MUC12: variants seen among roughly 807,000 people sequenced by gnomAD.
MUC12 encodes mucin-12.
In MUC12, 172 loss-of-function variants were observed where a neutral mutation model predicts 230.8. That is an observed-to-expected ratio of 0.75 (90% CI 0.66 to 0.85). The LOEUF (loss-of-function observed/expected upper bound fraction) is 0.85, where lower values mean the gene tolerates loss of function less well. MUC12 is among the 40% of genes least tolerant of loss of function. The pLI is 0.00. For missense variants in MUC12, 3,506 were observed against 5,920.6 expected, an observed-to-expected ratio of 0.59 and a Z score of 13.38; for synonymous variants, 1,259 against 2,401.9, an observed-to-expected ratio of 0.52 and a Z score of 13.91.
chr7:101,008,547 A>G, intron 3 of MUC12, 87 bp from the exon 4 acceptor site: 5 of 1,446,776 alleles, frequency 3.5e-6, no homozygotes, highest in Non-Finnish European at 3.6e-6. Flanking sequence ...TTCACCTTCA[A>G]GACACCCACA....
intron 11 of MUC12, 61 bp from the exon 12 acceptor site, chr7:101,018,534 C>T: frequency 6.6e-7 from 1 of 1,516,478 alleles, no homozygotes; most frequent in Non-Finnish European, 8.9e-7. Flanking sequence ...CCTCTTCCTC[C>T]TGGGGCTCCC....
Position 100,992,597 on chromosome 7 carries a change from A to G in MUC12, c.2034A>G (p.Thr678=). The change falls in exon 2 of 12, where the codon ACA becomes ACG. Residue 678 remains threonine (T), a synonymous_variant. Coordinates refer to ENST00000536621, the MANE Select transcript of MUC12 (RefSeq NM_001164462.2). The part of the protein sequence containing the change: ...IPTTHISARS[T]TSGLVEESTT... ...CAACCCACATTTCTGCCCGCTCCAC[A>G]ACCTCAGGCCTCGTTGAAGAATCTA... is the stretch of plus-strand genomic sequence containing the variant. The G allele has an allele frequency of 6.5e-7, 1 of 1,537,796 alleles. No individual in the cohort carries two copies. Among genetic ancestry groups the G allele is most frequent in the South Asian group, 1.2e-5 (1 of 84,056 alleles).
chr7:100,979,608 C>T (rs1170003254), intron 1 of MUC12, among the ~76,000 whole-genome samples: 1 of 151,894 alleles, frequency 6.6e-6, no homozygotes, highest in African/African-American at 2.4e-5. Flanking sequence ...GGTGAAACCC[C>T]ATCTCTACTA....
At chr7:101,006,406 T>A in intron 2 of MUC12, 65 bp from the exon 3 acceptor site, 2 of 1,048,384 alleles carry the variant, frequency 1.9e-6, no homozygotes, top group Admixed American at 4.0e-5. Context: ...GGACCTGGAA[T>A]GGGAGTGCGT....
In MUC12 at chr7:100,992,904, G is replaced by A. The variant is rs775213839; in HGVS notation, c.2341G>A (p.Val781Ile). Residue 781 changes from valine to isoleucine, a missense_variant, in exon 2 of 12, where the codon GTC (valine) becomes ATC (isoleucine). By Grantham distance (29) the Val-to-Ile change is conservative. Coordinates refer to ENST00000536621, the MANE Select transcript of MUC12 (RefSeq NM_001164462.2). ...CAGCCAAGACGCAACGGGAACAATA[G>A]TCCTACCTGCCCGCTCCACAACCTC... is the stretch of plus-strand genomic sequence containing the variant. Reference protein sequence around the residue: ...HSSQDATGTIVLPARSTTSVL... With the variant: ...HSSQDATGTIILPARSTTSVL... The A allele has an allele frequency of 2.0e-6, 3 of 1,535,932 alleles. No individual in the cohort carries two copies. Among genetic ancestry groups the A allele is most frequent in the Non-Finnish European group, 2.6e-6 (3 of 1,146,740 alleles).
At chr7:101,014,773 C>T (rs973142297) in intron 9 of MUC12, among the ~76,000 whole-genome samples, 23 of 143,294 alleles carry the variant, frequency 1.6e-4, no homozygotes, top group South Asian at 2.3e-4. Context: ...CCACCGTGCC[C>T]GGCCTTAAAT....
At chr7:100,984,830 T>C (rs926974198) in intron 1 of MUC12, among the ~76,000 whole-genome samples, 2 of 152,160 alleles carry the variant, frequency 1.3e-5, no homozygotes, top group African/African-American at 2.4e-5. Flanking sequence ...GAGCTACCCC[T>C]TACTGGTTTG....
chr7:100,993,030 T>A lies in MUC12; in HGVS notation c.2467T>A (p.Ser823Thr). 6.5e-7 allele frequency: 1 copy of A among 1,536,744 alleles called. No homozygotes were observed. The highest frequency in any genetic ancestry group is 8.7e-7 in the Non-Finnish European group (1 of 1,147,030). The change falls in exon 2 of 12, where the codon TCT becomes ACT. Residue 823 changes from serine (S) to threonine (T), a missense_variant. Coordinates refer to ENST00000536621, the MANE Select transcript of MUC12 (RefSeq NM_001164462.2). ...CACAACGCCAGGCCTCAGTGAGAGA[T>A]CTACCACTTTCCATAGTAGCCCCAG... ...STTTPGLSER[S>T]TTFHSSPRSP...
At chr7:101,012,202 C>G in intron 5 of MUC12, 94 bp from the exon 6 acceptor site, 1 of 1,337,680 alleles carries the variant, frequency 7.5e-7, no homozygotes, top group Non-Finnish European at 1.0e-6. Context: ...GGTCACATGG[C>G]AGCTTCATCT....
chr7:101,015,282 A>G (rs756081848), intron 9 of MUC12: 13 of 296,258 alleles, frequency 4.4e-5, no homozygotes, highest in Admixed American at 1.4e-4. Flanking sequence ...AAAATGGGAT[A>G]AGATGCACCT....
rs770765688 is a variant in MUC12 at position 101,004,597 on chromosome 7, C to A, written c.14034C>A (p.Gly4678=). The A allele has an allele frequency of 8.5e-6, 13 of 1,536,786 alleles. No individual in the cohort carries two copies. Among genetic ancestry groups the A allele is most frequent in the African/African-American group, 2.7e-5 (2 of 72,964 alleles). ...THFPESSTTS[G]RSEESTASHS... ...TTCCTGAGAGCTCCACAACCTCCGG[C>A]CGTAGTGAGGAATCAACAGCATCCC... is the stretch of plus-strand genomic sequence containing the variant. Residue 4678 remains glycine, a synonymous_variant, in exon 2 of 12, where the codon GGC becomes GGA. Coordinates refer to ENST00000536621, the MANE Select transcript of MUC12 (RefSeq NM_001164462.2).
intron 5 of MUC12, among the ~76,000 whole-genome samples, chr7:101,011,688 C>T (rs930994295): frequency 6.6e-6 from 1 of 152,196 alleles, no homozygotes; most frequent in Non-Finnish European, 1.5e-5. Context: ...TCCCAAATTG[C>T]TGGGATGACA....
chr7:100,971,183 A>AAAT (rs1554464560), intron 1 of MUC12, among the ~76,000 whole-genome samples: 4 of 23,350 alleles, frequency 1.7e-4, no homozygotes, highest in Non-Finnish European at 4.3e-4. Flanking sequence ...GAAACAAACA[A>AAAT]AAAAAAAACA....
chr7:101,006,511 C>T lies in MUC12; in HGVS notation c.14997C>T (p.Cys4999=), dbSNP rs1426479786. ...GACAAATTTGGAATGGAAAACAATGCGTCTGTCCCCAAGGCTACGTTGGTT... is the reference window on the plus strand; with the variant it reads ...GACAAATTTGGAATGGAAAACAATGTGTCTGTCCCCAAGGCTACGTTGGTT... ...QEGQIWNGKQ[C]VCPQGYVGYQ... The change falls in exon 3 of 12, where the codon TGC becomes TGT. Residue 4999 remains cysteine (C), a synonymous_variant. Coordinates refer to ENST00000536621, the MANE Select transcript of MUC12 (RefSeq NM_001164462.2). 28 of 1,537,032 alleles carry T rather than the reference C, an allele frequency of 1.8e-5. No homozygotes were observed. The highest frequency in any genetic ancestry group is 7.1e-5 in the South Asian group (6 of 84,048).
rs372936684 is a variant in MUC12, at chr7:101,009,057, C to G, written c.15187-38C>G. The G allele has an allele frequency of 1.1e-3, 1,658 of 1,534,012 alleles. 3 individuals are homozygous for G. The highest frequency in any genetic ancestry group is 1.6e-3 in the South Asian group (136 of 83,946). The stretch of plus-strand genomic sequence containing the variant: ...AGGGTAACAGGAGAGTCTTCATGCT[C>G]TAGCTTTGTGTGACCTTCGCTGCCT... On this transcript the variant is annotated intron_variant, in intron 4 of 11. Coordinates refer to ENST00000536621, the MANE Select transcript of MUC12 (RefSeq NM_001164462.2).
At position 101,002,790 on chromosome 7, in the gene MUC12, A is replaced by G. The variant is rs1793630185; in HGVS notation, c.12227A>G (p.Glu4076Gly). Residue 4076 changes from glutamate to glycine, a missense_variant, in exon 2 of 12, where the codon GAA becomes GGA. Glu to Gly is a moderately conservative substitution (Grantham distance 98). Coordinates refer to ENST00000536621, the MANE Select transcript of MUC12 (RefSeq NM_001164462.2). ...TCCACAAGCACTGGCCTTCAGGAAG[A>G]ATCTACCACTTTCCAGAGCTGGCCA... ...ASSTSTGLQE[E>G]STTFQSWPSS... 3 of 1,178,952 alleles carry G rather than the reference A, an allele frequency of 2.5e-6. No homozygotes were observed. The highest frequency in any genetic ancestry group is 2.2e-5 in the Admixed American group (1 of 44,790). The allele number at this position is 1,178,952 out of a possible 1,614,324, so 73.0% of individuals were successfully genotyped here. A position where few individuals can be genotyped will look rare whatever the true frequency, so the allele number is the denominator to read the frequency against.
In MUC12 at chr7:100,993,528, G is replaced by A; in HGVS notation, c.2965G>A (p.Gly989Arg). 6 of 1,008,478 alleles carry A rather than the reference G, an allele frequency of 5.9e-6. 2 individuals are homozygous for A. The highest frequency in any genetic ancestry group is 3.3e-5 in the South Asian group (2 of 60,242). The allele number at this position is 1,008,478 out of a possible 1,614,324, so 62.5% of individuals were successfully genotyped here. Residue 989 changes from glycine (G) to arginine (R), a missense_variant, in exon 2 of 12, where the codon GGA becomes AGA. Gly to Arg is a moderately radical substitution (Grantham distance 125). Transcript: ENST00000536621. ...PASSTSPGLQ[G>R]ESTAFQTHPA... ...CAGCTCCACAAGCCCTGGACTTCAG[G>A]GAGAATCTACTGCCTTCCAGACCCA... is the stretch of plus-strand genomic sequence containing the variant.
chr7:101,013,520 G>C (rs1793871506), intron 8 of MUC12, among the ~76,000 whole-genome samples: 1 of 152,036 alleles, frequency 6.6e-6, no homozygotes, highest in African/African-American at 2.4e-5. Context: ...CTGCCATGCT[G>C]TCAAGATTAC....
At chr7:100,989,269 C>T (rs760856482) in intron 1 of MUC12, among the ~76,000 whole-genome samples, 4 of 151,642 alleles carry the variant, frequency 2.6e-5, no homozygotes, top group Non-Finnish European at 4.4e-5. Flanking sequence ...CCACCACACC[C>T]GGCTAATTTT....
Sources: allele counts gnomAD v4.1 joint callset (sites outside exome capture counted in the v4.1 genomes callset), GRCh38; gene constraint gnomAD v4.1.1; transcripts MANE v1.5; gene names NCBI Gene and HGNC (gene_info 2026-07-23, HGNC 2026-07-21).